MYO5B: variants seen among roughly 807,000 people sequenced by gnomAD.
MYO5B encodes the protein myosin VB.
In MYO5B, 143 loss-of-function variants were observed where a neutral mutation model predicts 229.3. The observed-to-expected ratio is 0.62, with a 90% CI of 0.54 to 0.72. MYO5B has a LOEUF of 0.72. MYO5B is among the 30% of genes least tolerant of loss of function. The pLI is 0.00. For synonymous variants in MYO5B, 918 were observed against 885.2 expected, an observed-to-expected ratio of 1.04 and a Z score of -0.66; for missense variants, 2,321 against 2,331.0, an observed-to-expected ratio of 1.00 and a Z score of 0.09.
chr18:49,957,367 C>A (rs1476698538), intron 12 of MYO5B, among the ~76,000 whole-genome samples: 3 of 152,052 alleles, frequency 2.0e-5, no homozygotes, highest in Non-Finnish European at 4.4e-5. Context: ...GCCAACCAGG[C>A]GCAATGGCTC....
At chr18:50,071,766 A>G (rs1159367807) in intron 1 of MYO5B, among the ~76,000 whole-genome samples, 1 of 152,216 alleles carries the variant, frequency 6.6e-6, no homozygotes, top group Admixed American at 6.5e-5. Context: ...CTCTGAAGCA[A>G]TGGGTGTGTT....
rs569956001 is a variant in MYO5B at position 49,938,237 on chromosome 18, G to T, written c.1753-840C>A. 1.6e-4 allele frequency among the ~76,000 whole-genome samples: 25 copies of T among 152,144 alleles called. No homozygotes were observed. The East Asian group carries it at 4.3e-3, about 26-fold the overall frequency. On this transcript the variant is annotated intron_variant, in intron 14 of 39. Transcript: ENST00000285039. ...GGATAAGCCTATGCCTGTTATATGG[G>T]GTTGTTATGAATACTAAATAAGAGG...
intron 1 of MYO5B, among the ~76,000 whole-genome samples, chr18:50,068,979 T>C (rs1467604346): frequency 6.6e-6 from 1 of 152,150 alleles, no homozygotes; most frequent in African/African-American, 2.4e-5. Context: ...CTCTCTCTAA[T>C]CAGAGAGACC....
intron 3 of MYO5B, among the ~76,000 whole-genome samples, chr18:50,038,055 A>T (rs182489330): frequency 5.9e-5 from 9 of 152,376 alleles, no homozygotes; most frequent in Admixed American, 4.6e-4. Flanking sequence ...TTGAGCAACC[A>T]GGAAATGCTA....
At chr18:49,955,377 C>T (rs2025481239) in intron 12 of MYO5B, among the ~76,000 whole-genome samples, 1 of 152,248 alleles carries the variant, frequency 6.6e-6, no homozygotes, top group South Asian at 2.1e-4. Flanking sequence ...GTGCTCCCTC[C>T]TCTGTCATCC....
chr18:50,064,703 G>A (rs2030776021), intron 1 of MYO5B, among the ~76,000 whole-genome samples: 1 of 152,072 alleles, frequency 6.6e-6, no homozygotes, highest in Admixed American at 6.6e-5. Flanking sequence ...GCTTTCCCCA[G>A]AGAAACAACC....
At chr18:49,993,916 G>A (rs755307572) in intron 5 of MYO5B, among the ~76,000 whole-genome samples, 4 of 152,096 alleles carry the variant, frequency 2.6e-5, no homozygotes, top group Non-Finnish European at 4.4e-5. Flanking sequence ...TATGTGCTTG[G>A]CAGGAACCGA....
chr18:50,080,141 G>A (rs572151647), intron 1 of MYO5B, among the ~76,000 whole-genome samples: 109 of 152,120 alleles, frequency 7.2e-4, no homozygotes, highest in Non-Finnish European at 9.8e-4. Flanking sequence ...CTGGACTCAG[G>A]AAACAACCCA....
chr18:49,887,882 T>A (rs1007854652), intron 22 of MYO5B, among the ~76,000 whole-genome samples: 5 of 151,998 alleles, frequency 3.3e-5, no homozygotes, highest in Non-Finnish European at 7.4e-5. Flanking sequence ...AGAGACGTGT[T>A]TCATCATATT....
In MYO5B at chr18:50,003,947, G is replaced by A. The variant is rs144420523; in HGVS notation, c.456-2536C>T. The stretch of plus-strand genomic sequence containing the variant: ...TGGGTAAGTGCTGCCAGGCTCCTGC[G>A]TCAACACAGCACACACAGGATGCTG... On this transcript the variant is annotated intron_variant, in intron 4 of 39. Coordinates refer to ENST00000285039, the MANE Select transcript of MYO5B (RefSeq NM_001080467.3). Among the ~76,000 whole-genome samples the A allele has an allele frequency of 1.5e-4, 23 of 152,268 alleles. No individual in the cohort carries two copies. The East Asian group carries it at 2.1e-3, about 14-fold the overall frequency.
At chr18:50,137,093 A>T (rs568005265) in intron 1 of MYO5B, among the ~76,000 whole-genome samples, 3 of 149,796 alleles carry the variant, frequency 2.0e-5, no homozygotes, top group Non-Finnish European at 4.4e-5. Context: ...AATATTTTGA[A>T]ATGAGCTAAT....
At chr18:50,071,292 GTC>G (rs1406828829) in intron 1 of MYO5B, among the ~76,000 whole-genome samples, 4 of 152,116 alleles carry the variant, frequency 2.6e-5, no homozygotes, top group Admixed American at 6.5e-5. Flanking sequence ...TGCCCCAGGG[GTC>G]TCTCTGTGTT....
At chr18:50,077,546 A>G (rs1225006082) in intron 1 of MYO5B, among the ~76,000 whole-genome samples, 1 of 125,314 alleles carries the variant, frequency 8.0e-6, no homozygotes, top group Non-Finnish European at 1.9e-5. Context: ...CACACAGTAA[A>G]GGACTTCAAT....
At chr18:50,025,358 C>G (rs2026319426) in intron 4 of MYO5B, among the ~76,000 whole-genome samples, 1 of 152,118 alleles carries the variant, frequency 6.6e-6, no homozygotes, top group Non-Finnish European at 1.5e-5. Flanking sequence ...ATTTCATCAC[C>G]CTTCCTCCAA....
chr18:50,098,019 A>T (rs2031586647), intron 1 of MYO5B, among the ~76,000 whole-genome samples: 1 of 152,238 alleles, frequency 6.6e-6, no homozygotes, highest in Non-Finnish European at 1.5e-5. Context: ...TCAGGAAAGG[A>T]CAAGAATGAC....
intron 1 of MYO5B, among the ~76,000 whole-genome samples, chr18:50,187,066 C>G (rs1225470814): frequency 6.6e-6 from 1 of 152,180 alleles, no homozygotes; most frequent in Non-Finnish European, 1.5e-5. Flanking sequence ...TTCACTTAGA[C>G]AAACCATTTT....
intron 5 of MYO5B, among the ~76,000 whole-genome samples, chr18:49,992,675 G>T (rs2025946873): frequency 6.6e-6 from 1 of 152,192 alleles, no homozygotes; most frequent in South Asian, 2.1e-4. Flanking sequence ...CTTCAAAGGG[G>T]ACTACCCAGG....
At chr18:49,843,143 C>A (rs2144041274) in intron 34 of MYO5B, 98 bp downstream of exon 34, 10 of 1,488,682 alleles carry the variant, frequency 6.7e-6, no homozygotes, top group Middle Eastern at 4.7e-4. Flanking sequence ...GCCCTAGGAG[C>A]ATTCACTACA....
At chr18:50,116,013 C>T (rs2031956209) in intron 1 of MYO5B, among the ~76,000 whole-genome samples, 1 of 152,132 alleles carries the variant, frequency 6.6e-6, no homozygotes, top group Non-Finnish European at 1.5e-5. Context: ...AGCCTGTTAC[C>T]TTTCCATCCC....
Sources: gnomAD v4.1 joint callset for allele counts (sites outside exome capture counted in the v4.1 genomes callset) on GRCh38, gnomAD v4.1.1 for gene constraint, MANE v1.5 for transcripts, NCBI Gene and HGNC (gene_info 2026-07-23, HGNC 2026-07-21) for gene names.